The following RAPGEF6 variants were observed in gnomAD, a reference collection of about 807,000 sequenced individuals.
RAPGEF6 encodes Rap guanine nucleotide exchange factor 6.
In RAPGEF6, 56 loss-of-function variants were observed where a neutral mutation model predicts 171.4. The ratio of observed to expected loss-of-function variants is 0.33; its 90% CI spans 0.26 to 0.41. RAPGEF6 has a LOEUF of 0.41. Among genes scored for constraint, RAPGEF6 ranks in the 10% least tolerant of loss-of-function variants. The pLI, the probability that RAPGEF6 is intolerant of heterozygous loss-of-function variation, is 1.00. For synonymous variants in RAPGEF6, 692 were observed against 650.1 expected (o/e 1.06, Z -0.98); for missense variants, 1,674 against 1,921.4 (o/e 0.87, Z 2.41).
intron 24 of RAPGEF6, among the ~76,000 whole-genome samples, chr5:131,439,015 C>A (rs1752209418): frequency 6.6e-6 from 1 of 152,064 alleles, no homozygotes; most frequent in African/African-American, 2.4e-5. Flanking sequence ...CTCTGCCTCC[C>A]AGGCTCAAGC....
chr5:131,512,067 G>A (rs1422207792), intron 7 of RAPGEF6, among the ~76,000 whole-genome samples: 1 of 152,172 alleles, frequency 6.6e-6, no homozygotes, highest in Non-Finnish European at 1.5e-5. Context: ...AAATAGGAAA[G>A]GGAATGGGGA....
intron 4 of RAPGEF6, among the ~76,000 whole-genome samples, chr5:131,563,386 T>C (rs6596029): frequency 0.78 from 118,242 of 152,088 alleles, 46,274 homozygotes; most frequent in African/African-American, 0.82. Flanking sequence ...TATGGGAAGG[T>C]TAAATATTTA....
chr5:131,437,809 T>C (rs1752108815), intron 24 of RAPGEF6, among the ~76,000 whole-genome samples: 1 of 152,218 alleles, frequency 6.6e-6, no homozygotes. Flanking sequence ...TATGGTGTCC[T>C]GAGGTGGCCG....
At chr5:131,537,032 A>G (rs2149933525) in intron 6 of RAPGEF6, among the ~76,000 whole-genome samples, 1 of 152,260 alleles carries the variant, frequency 6.6e-6, no homozygotes, top group East Asian at 1.9e-4. Flanking sequence ...ACACATACCA[A>G]ATCAAACTAA....
At chr5:131,471,168 T>C (rs981779560) in intron 17 of RAPGEF6, among the ~76,000 whole-genome samples, 7 of 152,330 alleles carry the variant, frequency 4.6e-5, no homozygotes, top group African/African-American at 1.7e-4. Flanking sequence ...GACATTTCAC[T>C]AATATAAAAA....
intron 6 of RAPGEF6, among the ~76,000 whole-genome samples, chr5:131,532,408 T>C (rs773851583): frequency 2.0e-5 from 3 of 152,188 alleles, no homozygotes; most frequent in Non-Finnish European, 4.4e-5. Context: ...TACAGACATA[T>C]ACATGCGGCC....
intron 4 of RAPGEF6, among the ~76,000 whole-genome samples, chr5:131,569,872 T>C (rs1291168597): frequency 6.6e-6 from 1 of 151,752 alleles, no homozygotes; most frequent in African/African-American, 2.4e-5. Flanking sequence ...GCAACCCCCA[T>C]CTCTACTAAA....
intron 3 of RAPGEF6, among the ~76,000 whole-genome samples, chr5:131,596,721 C>T (rs1169925542): frequency 5.3e-5 from 8 of 152,172 alleles, no homozygotes; most frequent in Non-Finnish European, 8.8e-5. Flanking sequence ...CTACCTCTCA[C>T]TATATACAAA....
intron 6 of RAPGEF6, among the ~76,000 whole-genome samples, chr5:131,546,354 C>A (rs919488443): frequency 1.3e-4 from 20 of 151,902 alleles, no homozygotes; most frequent in African/African-American, 1.9e-4. Context: ...GCCTGTAATC[C>A]CAGCACTTTG....
intron 1 of RAPGEF6, among the ~76,000 whole-genome samples, 189 bp from the exon 2 acceptor site, chr5:131,604,882 A>AGAGAT (rs1764462255): frequency 6.6e-6 from 1 of 152,054 alleles, no homozygotes; most frequent in African/African-American, 2.4e-5. Context: ...TCTCAAAGGA[A>AGAGAT]CTCCTCTTCA....
chr5:131,626,809 C>T (rs1159079191), intron 1 of RAPGEF6, among the ~76,000 whole-genome samples: 4 of 152,094 alleles, frequency 2.6e-5, no homozygotes, highest in South Asian at 2.1e-4. Flanking sequence ...TCAGTTTAAG[C>T]GGGACAGTCC....
At chr5:131,499,295 C>A (rs1288537270) in intron 11 of RAPGEF6, among the ~76,000 whole-genome samples, 1 of 152,034 alleles carries the variant, frequency 6.6e-6, no homozygotes, top group Non-Finnish European at 1.5e-5. Flanking sequence ...AGAATATAAA[C>A]AGGCTGGGCG....
At chr5:131,600,439 A>G (rs1764160993) in intron 3 of RAPGEF6, among the ~76,000 whole-genome samples, 1 of 151,716 alleles carries the variant, frequency 6.6e-6, no homozygotes, top group South Asian at 2.1e-4. Context: ...GGAGAATCGT[A>G]TGAACCCAGG....
chr5:131,456,646 G>A (rs1044951883), intron 19 of RAPGEF6, among the ~76,000 whole-genome samples: 3 of 152,094 alleles, frequency 2.0e-5, no homozygotes, highest in Admixed American at 1.3e-4. Flanking sequence ...TACCTCTACA[G>A]TACCATCACA....
chr5:131,537,661 T>G (rs1221057632), intron 6 of RAPGEF6, among the ~76,000 whole-genome samples: 1 of 152,152 alleles, frequency 6.6e-6, no homozygotes, highest in Non-Finnish European at 1.5e-5. Context: ...TAACTAAACA[T>G]TCAGCATCAT....
chr5:131,555,061 C>G (rs1761147554), intron 5 of RAPGEF6, among the ~76,000 whole-genome samples: 1 of 152,138 alleles, frequency 6.6e-6, no homozygotes, highest in Non-Finnish European at 1.5e-5. Flanking sequence ...AAAAGAATCT[C>G]ATGTCAAATA....
chr5:131,566,352 C>T (rs1413552541), intron 4 of RAPGEF6, among the ~76,000 whole-genome samples: 1 of 151,936 alleles, frequency 6.6e-6, no homozygotes, highest in Non-Finnish European at 1.5e-5. Flanking sequence ...TGGTTTTTGC[C>T]TATTATTTTA....
At chr5:131,451,746 C>G (rs1753090282) in intron 21 of RAPGEF6, among the ~76,000 whole-genome samples, 2 of 152,112 alleles carry the variant, frequency 1.3e-5, no homozygotes, top group Admixed American at 6.5e-5. Flanking sequence ...TACTTTTGCA[C>G]CAACCTAATA....
intron 6 of RAPGEF6, among the ~76,000 whole-genome samples, chr5:131,529,059 T>C (rs1227606455): frequency 6.7e-6 from 1 of 150,060 alleles, no homozygotes; most frequent in Non-Finnish European, 1.5e-5. Flanking sequence ...CTCTAACAGA[T>C]CAGGAAGATG....
Sources: gnomAD v4.1 joint callset for allele counts (sites outside exome capture counted in the v4.1 genomes callset) on GRCh38, gnomAD v4.1.1 for gene constraint, MANE v1.5 for transcripts, NCBI Gene and HGNC (gene_info 2026-07-23, HGNC 2026-07-21) for gene names.